Variants in CAMK1D observed in about 807,000 individuals in gnomAD.
The protein encoded by CAMK1D is calcium/calmodulin-dependent protein kinase type 1D.
CAMK1D carries 9 observed loss-of-function variants against 47.7 expected under a neutral mutation model. The ratio of observed to expected loss-of-function variants is 0.19; its 90% CI spans 0.11 to 0.33. The LOEUF (loss-of-function observed/expected upper bound fraction) is 0.33. Ranked by LOEUF, CAMK1D falls within the 10% of genes least tolerant of loss-of-function variation. The pLI, the probability that CAMK1D is intolerant of heterozygous loss-of-function variation, is 1.00. For synonymous variants in CAMK1D, 184 were observed against 184.9 expected, an observed-to-expected ratio of 0.99 and a Z score of 0.04; for missense variants, 291 against 488.7, an observed-to-expected ratio of 0.60 and a Z score of 3.81.
Position 12,403,697 on chromosome 10 carries a change from C to G in CAMK1D, c.92+53787C>G, listed in dbSNP as rs533698670. On this transcript the variant is annotated intron_variant, in intron 1 of 10. Coordinates refer to ENST00000619168, the MANE Select transcript of CAMK1D (RefSeq NM_153498.4). ...AATGCATTTAAAAATATTTGATTTGCAAAAAATTCAGTATACTTTAAAATA... is the reference window on the plus strand; with the variant it reads ...AATGCATTTAAAAATATTTGATTTGGAAAAAATTCAGTATACTTTAAAATA... 5.1e-4 allele frequency among the ~76,000 whole-genome samples: 78 copies of G among 152,058 alleles called. 1 individual carries two copies. Among genetic ancestry groups the G allele is most frequent in the African/African-American group, 1.6e-3 (66 of 41,516 alleles).
intron 2 of CAMK1D, among the ~76,000 whole-genome samples, chr10:12,555,040 A>G (rs1836717793): frequency 6.6e-6 from 1 of 152,246 alleles, no homozygotes; most frequent in African/African-American, 2.4e-5. Flanking sequence ...GAAATTTTTA[A>G]GAGTTGCTAT....
chr10:12,588,425 A>G (rs1393108079), intron 2 of CAMK1D, among the ~76,000 whole-genome samples: 1 of 152,232 alleles, frequency 6.6e-6, no homozygotes, highest in Non-Finnish European at 1.5e-5. Flanking sequence ...TGGAAAACAA[A>G]GAGAAACCGT....
chr10:12,711,789 A>G (rs1255156357), intron 3 of CAMK1D, among the ~76,000 whole-genome samples: 1 of 152,246 alleles, frequency 6.6e-6, no homozygotes, highest in African/African-American at 2.4e-5. Flanking sequence ...CAGAAACACC[A>G]GTGCTAGTCT....
intron 1 of CAMK1D, among the ~76,000 whole-genome samples, chr10:12,527,331 G>A (rs1273510543): frequency 6.6e-6 from 1 of 150,386 alleles, no homozygotes; most frequent in African/African-American, 2.5e-5. Flanking sequence ...TCCAGGGTGC[G>A]GTTCCTTGAC....
intron 1 of CAMK1D, among the ~76,000 whole-genome samples, chr10:12,521,964 T>C (rs1365056516): frequency 1.4e-5 from 2 of 146,560 alleles, no homozygotes; most frequent in African/African-American, 5.0e-5. Flanking sequence ...TATATATCAT[T>C]ATAGGTGTTT....
chr10:12,819,305 C>T (rs1041829273), intron 8 of CAMK1D, among the ~76,000 whole-genome samples: 13 of 152,180 alleles, frequency 8.5e-5, no homozygotes, highest in African/African-American at 3.1e-4. Flanking sequence ...GCATACAACA[C>T]GGGAGCTTAA....
At chr10:12,604,866 T>C (rs1441093063) in intron 2 of CAMK1D, among the ~76,000 whole-genome samples, 1 of 151,832 alleles carries the variant, frequency 6.6e-6, no homozygotes, top group Non-Finnish European at 1.5e-5. Context: ...CTTTGGGAAA[T>C]GCAGATCCAA....
At chr10:12,668,692 T>C (rs1328232242) in intron 3 of CAMK1D, among the ~76,000 whole-genome samples, 1 of 152,214 alleles carries the variant, frequency 6.6e-6, no homozygotes, top group Admixed American at 6.5e-5. Flanking sequence ...TTTAATTTTA[T>C]GAGATAAAGT....
At chr10:12,752,536 C>T (rs1442028941) in intron 3 of CAMK1D, among the ~76,000 whole-genome samples, 1 of 152,124 alleles carries the variant, frequency 6.6e-6, no homozygotes, top group African/African-American at 2.4e-5. Flanking sequence ...CCAGACTTCA[C>T]CACTACAGTA....
chr10:12,573,831 C>CTTTTTTTTTTTTTTTTTTTTTTTTTT (rs34038018), intron 2 of CAMK1D, among the ~76,000 whole-genome samples: 1 of 64,076 alleles, frequency 1.6e-5, no homozygotes, highest in Non-Finnish European at 2.8e-5. Context: ...ATTAAAAAAA[C>CTTTTTTTTTTTTTTTTTTTTTTTTTT]TTTTTTTTTT....
intron 1 of CAMK1D, among the ~76,000 whole-genome samples, chr10:12,364,400 C>A (rs1409175350): frequency 1.3e-5 from 2 of 151,848 alleles, no homozygotes; most frequent in Admixed American, 6.6e-5. Context: ...CACCACCACA[C>A]CTGGCTAATT....
At chr10:12,492,929 T>G (rs1009349746) in intron 1 of CAMK1D, among the ~76,000 whole-genome samples, 8 of 152,222 alleles carry the variant, frequency 5.3e-5, no homozygotes, top group Non-Finnish European at 7.3e-5. Flanking sequence ...AAAGTCCCAC[T>G]CCCTCTGTCT....
intron 2 of CAMK1D, among the ~76,000 whole-genome samples, chr10:12,612,339 C>CTTTTT (rs11333936): frequency 1.6e-5 from 2 of 121,732 alleles, no homozygotes; most frequent in African/African-American, 5.9e-5. Context: ...TAATTAATTA[C>CTTTTT]TTTTTTTTTT....
intron 1 of CAMK1D, among the ~76,000 whole-genome samples, chr10:12,511,717 A>C (rs979084265): frequency 1.3e-5 from 2 of 152,262 alleles, no homozygotes; most frequent in African/African-American, 4.8e-5. Context: ...TGTTTGCTTT[A>C]AATCAGTCCC....
At chr10:12,492,825 C>T (rs147240175) in intron 1 of CAMK1D, among the ~76,000 whole-genome samples, 106 of 152,232 alleles carry the variant, frequency 7.0e-4, no homozygotes, top group African/African-American at 2.1e-3. Context: ...TGAGGTCCCC[C>T]GAGCTGTACA....
At chr10:12,691,690 A>T (rs1298065369) in intron 3 of CAMK1D, among the ~76,000 whole-genome samples, 2 of 151,704 alleles carry the variant, frequency 1.3e-5, no homozygotes, top group Non-Finnish European at 2.9e-5. Context: ...TGACCTTGTC[A>T]TCCGCCCGCC....
chr10:12,550,347 A>T (rs1024556999), intron 1 of CAMK1D, among the ~76,000 whole-genome samples: 3 of 152,050 alleles, frequency 2.0e-5, no homozygotes. Context: ...TTTTTCTCCT[A>T]CTCTAACATA....
At chr10:12,713,501 C>G (rs1002681243) in intron 3 of CAMK1D, among the ~76,000 whole-genome samples, 1 of 152,076 alleles carries the variant, frequency 6.6e-6, no homozygotes, top group African/African-American at 2.4e-5. Flanking sequence ...TCTGTCGGCA[C>G]GGTACACAGT....
intron 1 of CAMK1D, among the ~76,000 whole-genome samples, chr10:12,381,517 G>A: frequency 6.6e-6 from 1 of 152,012 alleles, no homozygotes. Context: ...TGTATTTTTA[G>A]TAGAGACGGG....
Sources: gnomAD v4.1 joint callset for allele counts (sites outside exome capture counted in the v4.1 genomes callset) on GRCh38, gnomAD v4.1.1 for gene constraint, MANE v1.5 for transcripts, NCBI Gene and HGNC (gene_info 2026-07-23, HGNC 2026-07-21) for gene names.